NT5DC1: variants seen among roughly 807,000 people sequenced by gnomAD.
NT5DC1 encodes the protein 5'-nucleotidase domain-containing protein 1.
A neutral mutation model predicts 59.4 loss-of-function variants in NT5DC1; 42 were observed. The ratio of observed to expected loss-of-function variants is 0.71; its 90% CI spans 0.55 to 0.92. The LOEUF is 0.92. Among genes scored for constraint, NT5DC1 ranks in the 40% least tolerant of loss-of-function variants. The probability of loss-of-function intolerance (pLI) is 0.00; values close to 1 mark genes in which losing one functional copy is unlikely to be tolerated. For synonymous variants in NT5DC1, 172 were observed against 188.1 expected (o/e 0.91, Z 0.70); for missense variants, 501 against 537.1 (o/e 0.93, Z 0.66).
intron 2 of NT5DC1, 31 bp from the exon 3 acceptor site, chr6:116,108,333 A>G (rs752532809): frequency 1.5e-6 from 2 of 1,374,410 alleles, no homozygotes; most frequent in Non-Finnish European, 2.1e-6. Context: ...AAATATAGGA[A>G]TTGATTAATA....
Position 116,117,883 on chromosome 6 carries a change from T to A in NT5DC1, c.467T>A (p.Phe156Tyr), listed in dbSNP as rs758227780. 1.9e-6 allele frequency: 3 copies of A among 1,573,154 alleles called. No individual in the cohort carries two copies. Among genetic ancestry groups the A allele is most frequent in the Non-Finnish European group, 1.7e-6 (2 of 1,144,994 alleles). Reference protein sequence around the residue: ...LTKLNNGQKTFDFWKDIVAAI... With the variant: ...LTKLNNGQKTYDFWKDIVAAI... Reference sequence around the variant, plus strand: ...CAGCTGAACAATGGTCAAAAAACATTTGATTTTTGGAAGGATATAGTTGCT... The same window carrying A: ...CAGCTGAACAATGGTCAAAAAACATATGATTTTTGGAAGGATATAGTTGCT... Residue 156 changes from phenylalanine (F) to tyrosine (Y), a missense_variant, in exon 6 of 12, where the codon TTT (phenylalanine) becomes TAT (tyrosine). Physicochemically the swap from Phe to Tyr is conservative, Grantham distance 22. Transcript: ENST00000319550.
At chr6:116,216,601 A>G (rs1781692049) in intron 6 of NT5DC1, among the ~76,000 whole-genome samples, 1 of 151,926 alleles carries the variant, frequency 6.6e-6, no homozygotes. Context: ...TGTTTAGCAT[A>G]TAGATTTTCA....
intron 1 of NT5DC1, among the ~76,000 whole-genome samples, 170 bp from the exon 2 acceptor site, chr6:116,106,074 G>T (rs979082084): frequency 6.6e-6 from 1 of 152,228 alleles, no homozygotes; most frequent in African/African-American, 2.4e-5. Context: ...GCATGCAGGG[G>T]ATGATAAATT....
rs937106683 is a variant in NT5DC1, at chr6:116,162,162, C to T, written c.529+44217C>T. Among the ~76,000 whole-genome samples the T allele has an allele frequency of 7.2e-5, 11 of 152,026 alleles. No homozygotes were observed. The East Asian group carries it at 2.1e-3, about 29-fold the overall frequency. On this transcript the variant is annotated intron_variant, in intron 6 of 11. Coordinates refer to ENST00000319550, the MANE Select transcript of NT5DC1 (RefSeq NM_152729.3). The stretch of plus-strand genomic sequence containing the variant: ...ACTTTAGCAAAGTTATTGATTAGGT[C>T]CAGGAGTCTTTTGGAGGAATCATTT...
chr6:116,145,083 C>A (rs1363244555), intron 6 of NT5DC1, among the ~76,000 whole-genome samples: 1 of 152,094 alleles, frequency 6.6e-6, no homozygotes, highest in Non-Finnish European at 1.5e-5. Flanking sequence ...AATATATCAG[C>A]AAAGTTATAG....
At chr6:116,154,980 GTTTAAC>G (rs1780148298) in intron 6 of NT5DC1, among the ~76,000 whole-genome samples, 1 of 152,128 alleles carries the variant, frequency 6.6e-6, no homozygotes, top group Non-Finnish European at 1.5e-5. Flanking sequence ...TGTTCTTTCT[GTTTAAC>G]TTTTACTCCC....
intron 8 of NT5DC1, among the ~76,000 whole-genome samples, chr6:116,223,485 C>G (rs540487370): frequency 5.0e-4 from 76 of 152,286 alleles, no homozygotes; most frequent in African/African-American, 1.8e-3. Context: ...ACAAATGAAA[C>G]ATTCCTCTCT....
At chr6:116,108,190 TGATA>T (rs1778803468) in intron 2 of NT5DC1, among the ~76,000 whole-genome samples, 170 bp from the exon 3 acceptor site, 1 of 152,226 alleles carries the variant, frequency 6.6e-6, no homozygotes, top group African/African-American at 2.4e-5. Flanking sequence ...ACCTGCTCAG[TGATA>T]GATATTTAAT....
chr6:116,106,033 G>T (rs1164515306), intron 1 of NT5DC1, among the ~76,000 whole-genome samples: 4 of 152,134 alleles, frequency 2.6e-5, no homozygotes, highest in Non-Finnish European at 5.9e-5. Context: ...GTATGCTGAC[G>T]GTATAATTTT....
chr6:116,118,438 G>C (rs1345726448), intron 6 of NT5DC1, among the ~76,000 whole-genome samples: 1 of 152,144 alleles, frequency 6.6e-6, no homozygotes, highest in Non-Finnish European at 1.5e-5. Context: ...GATTACACAA[G>C]ATTGCTTCTA....
intron 6 of NT5DC1, among the ~76,000 whole-genome samples, chr6:116,171,477 C>T (rs1006743148): frequency 5.3e-5 from 8 of 152,040 alleles, no homozygotes; most frequent in Admixed American, 2.0e-4. Context: ...TTATTATCAT[C>T]GTAATAATAA....
intron 4 of NT5DC1, among the ~76,000 whole-genome samples, chr6:116,113,688 G>A (rs1356688886): frequency 6.6e-6 from 1 of 152,184 alleles, no homozygotes; most frequent in Non-Finnish European, 1.5e-5. Context: ...AAACCAATGA[G>A]CTCTTCTCAT....
chr6:116,124,025 C>T (rs563338595), intron 6 of NT5DC1, among the ~76,000 whole-genome samples: 1 of 152,038 alleles, frequency 6.6e-6, no homozygotes, highest in African/African-American at 2.4e-5. Context: ...CGGAAGGTTG[C>T]TTTGTCTTTT....
Position 116,116,709 on chromosome 6 carries a change from A to G in NT5DC1, c.444+939A>G, listed in dbSNP as rs186571328. Among the ~76,000 whole-genome samples the G allele has an allele frequency of 2.6e-3, 398 of 152,212 alleles. 10 individuals carry two copies. The South Asian group carries it at 0.044, about 17-fold the overall frequency. ...AGGTAATGCTTTATTTGTGAATCAG[A>G]ATTACATTTATGTGTTGTGAAAGTT... On this transcript the variant is annotated intron_variant, in intron 5 of 11. Transcript: ENST00000319550.
intron 6 of NT5DC1, among the ~76,000 whole-genome samples, chr6:116,178,088 T>TGTGTGTGTGCGC (rs1491426656): frequency 3.0e-4 from 30 of 99,656 alleles, no homozygotes; most frequent in African/African-American, 1.4e-3. Flanking sequence ...TGTGTGTGTG[T>TGTGTGTGTGCGC]GCGCGCGCGC....
chr6:116,100,912 TG>T lies in NT5DC1; in HGVS notation c.-17del. The T allele has an allele frequency of 6.3e-7, 1 of 1,587,638 alleles. No homozygotes were observed. Among genetic ancestry groups the T allele is most frequent in the Non-Finnish European group, 8.6e-7 (1 of 1,168,228 alleles). Reference sequence around the variant, plus strand: ...CACCCTTCGCGGCCGAGGCGCTCCCTGGTGCTCCCCGCGCAGCCATGGCTCA... The same window carrying T: ...CACCCTTCGCGGCCGAGGCGCTCCCTGTGCTCCCCGCGCAGCCATGGCTCA... On this transcript the variant is annotated 5_prime_UTR_variant, in exon 1 of 12. Coordinates refer to ENST00000319550, the MANE Select transcript of NT5DC1 (RefSeq NM_152729.3).
At position 116,156,500 on chromosome 6, in the gene NT5DC1, G is replaced by A. The variant is rs189348402; in HGVS notation, c.529+38555G>A. On this transcript the variant is annotated intron_variant, in intron 6 of 11. Transcript: ENST00000319550. ...GCTGTGTATAGTGCAAAGTAAAAAG[G>A]AATGCGTCTTAAGGAAGACATGGGC... Among the ~76,000 whole-genome samples, 3 of 152,238 alleles carry A rather than the reference G, an allele frequency of 2.0e-5. No homozygotes were observed. In the East Asian group the frequency reaches 5.8e-4, roughly 29 times the overall value.
chr6:116,130,280 G>T (rs1779427621), intron 6 of NT5DC1, among the ~76,000 whole-genome samples: 1 of 152,064 alleles, frequency 6.6e-6, no homozygotes, highest in African/African-American at 2.4e-5. Context: ...AGTGAGGAAA[G>T]TGTGTGTGTT....
intron 6 of NT5DC1, among the ~76,000 whole-genome samples, chr6:116,181,524 A>G (rs1780872695): frequency 6.6e-6 from 1 of 152,152 alleles, no homozygotes; most frequent in African/African-American, 2.4e-5. Context: ...ATTATAGGAT[A>G]TCTCCAAAGC....
Sources: gnomAD v4.1 joint callset for allele counts (sites outside exome capture counted in the v4.1 genomes callset) on GRCh38, gnomAD v4.1.1 for gene constraint, MANE v1.5 for transcripts, NCBI Gene and HGNC (gene_info 2026-07-23, HGNC 2026-07-21) for gene names.